The following PSMD14 variants were observed in gnomAD, a reference collection of about 807,000 sequenced individuals.
The protein encoded by PSMD14 is ubiquitin C-terminal hydrolase PSMD14.
In PSMD14, 7 loss-of-function variants were observed where a neutral mutation model predicts 41.2. The ratio of observed to expected loss-of-function variants is 0.17; its 90% CI spans 0.10 to 0.32. PSMD14 has a LOEUF of 0.32. Ranked by LOEUF, PSMD14 falls within the 10% of genes least tolerant of loss-of-function variation. The probability of loss-of-function intolerance (pLI) is 1.00; values close to 1 mark genes in which losing one functional copy is unlikely to be tolerated. For synonymous variants in PSMD14, 114 were observed against 122.3 expected (o/e 0.93, Z 0.45); for missense variants, 139 against 375.6 (o/e 0.37, Z 5.21).
intron 7 of PSMD14, 91 bp from the exon 8 acceptor site, chr2:161,385,373 C>G: frequency 1.7e-6 from 1 of 580,024 alleles, no homozygotes; most frequent in Non-Finnish European, 3.0e-6. Flanking sequence ...AGTCCAGAAA[C>G]AGATGCACGT....
chr2:161,369,955 G>T (rs1191371162), intron 5 of PSMD14, among the ~76,000 whole-genome samples, 152 bp from the exon 6 acceptor site: 1 of 152,038 alleles, frequency 6.6e-6, no homozygotes, highest in Non-Finnish European at 1.5e-5. Flanking sequence ...AAGCTTGATT[G>T]GTATGAGGTT....
chr2:161,360,752 G>A (rs1683279097), intron 3 of PSMD14, among the ~76,000 whole-genome samples: 1 of 151,892 alleles, frequency 6.6e-6, no homozygotes, highest in Non-Finnish European at 1.5e-5. Flanking sequence ...TAGCCAGGAT[G>A]GTCTCCATCT....
At chr2:161,325,014 A>G (rs1388616992) in intron 3 of PSMD14, among the ~76,000 whole-genome samples, 3 of 152,172 alleles carry the variant, frequency 2.0e-5, no homozygotes, top group African/African-American at 7.2e-5. Context: ...AATGACATAC[A>G]ACCTGCAAGT....
intron 1 of PSMD14, among the ~76,000 whole-genome samples, chr2:161,310,221 A>C (rs1185649597): frequency 2.0e-5 from 3 of 152,252 alleles, no homozygotes; most frequent in Non-Finnish European, 4.4e-5. Context: ...CTGGCCATGT[A>C]AACCATGTGC....
chr2:161,377,551 G>A (rs1277676441), intron 7 of PSMD14, among the ~76,000 whole-genome samples: 1 of 151,810 alleles, frequency 6.6e-6, no homozygotes, highest in East Asian at 1.9e-4. Flanking sequence ...TGTCTGCTAG[G>A]AATGTAGAAA....
intron 3 of PSMD14, among the ~76,000 whole-genome samples, chr2:161,320,592 T>A (rs1258417837): frequency 6.6e-6 from 1 of 152,124 alleles, no homozygotes; most frequent in Non-Finnish European, 1.5e-5. Flanking sequence ...TAGGTGTAAT[T>A]TTCTTTTTCT....
chr2:161,404,238 A>G (rs1012180545), intron 10 of PSMD14, among the ~76,000 whole-genome samples: 6 of 152,088 alleles, frequency 3.9e-5, no homozygotes, highest in Non-Finnish European at 8.8e-5. Context: ...TCCTGGTTTT[A>G]CAGCTAGTCT....
intron 3 of PSMD14, among the ~76,000 whole-genome samples, chr2:161,338,744 C>T (rs1022300904): frequency 4.6e-5 from 7 of 152,162 alleles, no homozygotes; most frequent in African/African-American, 1.7e-4. Context: ...ACCATCACTG[C>T]AATCAAGATG....
chr2:161,363,169 A>G (rs1431767231), intron 3 of PSMD14, among the ~76,000 whole-genome samples: 1 of 152,194 alleles, frequency 6.6e-6, no homozygotes, highest in Non-Finnish European at 1.5e-5. Flanking sequence ...TCTAGGTTGC[A>G]TGCTCCATCT....
intron 9 of PSMD14, among the ~76,000 whole-genome samples, chr2:161,393,971 ATTTTTTTTTT>A (rs11452254): frequency 1.8e-4 from 18 of 100,908 alleles, no homozygotes; most frequent in Non-Finnish European, 3.2e-4. Context: ...ACACTAGATA[ATTTTTTTTTT>A]TTTTTTTTTT....
chr2:161,395,259 A>G, intron 10 of PSMD14, 56 bp downstream of exon 10: 1 of 1,376,022 alleles, frequency 7.3e-7, no homozygotes, highest in Middle Eastern at 1.8e-4. Context: ...GTATGATTAG[A>G]TGCCAAGCAT....
chr2:161,316,944 A>G (rs1661668161), intron 2 of PSMD14, among the ~76,000 whole-genome samples: 3 of 152,210 alleles, frequency 2.0e-5, no homozygotes, highest in African/African-American at 7.2e-5. Context: ...AGAGGGATAG[A>G]TAAACTGAAC....
intron 5 of PSMD14, among the ~76,000 whole-genome samples, chr2:161,369,575 G>A (rs1178822798): frequency 6.6e-6 from 1 of 152,052 alleles, no homozygotes; most frequent in Non-Finnish European, 1.5e-5. Flanking sequence ...TTAGAAGAAA[G>A]CCTTGGGAGC....
intron 8 of PSMD14, among the ~76,000 whole-genome samples, chr2:161,387,523 T>G (rs1683649135): frequency 6.6e-6 from 1 of 152,038 alleles, no homozygotes; most frequent in African/African-American, 2.4e-5. Flanking sequence ...CTAACAGATT[T>G]TTTTTTACTC....
intron 3 of PSMD14, among the ~76,000 whole-genome samples, chr2:161,352,433 T>C (rs1417496883): frequency 1.3e-5 from 2 of 152,228 alleles, no homozygotes; most frequent in African/African-American, 2.4e-5. Flanking sequence ...GCTTTTATTA[T>C]ATTACCAAGA....
intron 3 of PSMD14, among the ~76,000 whole-genome samples, chr2:161,327,035 T>G (rs902398229): frequency 1.3e-5 from 2 of 152,126 alleles, no homozygotes; most frequent in African/African-American, 4.8e-5. Flanking sequence ...ATTATTAAAC[T>G]TTAAAGGAAT....
At chr2:161,391,078 C>A (rs1683705003) in intron 8 of PSMD14, 26 bp from the exon 9 acceptor site, 2 of 1,431,004 alleles carry the variant, frequency 1.4e-6, no homozygotes, top group African/African-American at 1.4e-5. Context: ...TTAATTTGTC[C>A]TTTTTAAAAT....
intron 11 of PSMD14, among the ~76,000 whole-genome samples, chr2:161,409,110 C>T (rs1198989237): frequency 1.3e-5 from 2 of 151,928 alleles, no homozygotes; most frequent in Admixed American, 6.6e-5. Flanking sequence ...GAGATATTAT[C>T]GTCAGTGAAA....
At position 161,327,981 on chromosome 2, in the gene PSMD14, T is replaced by TGTGA. The variant is rs1553503782; in HGVS notation, c.48+9110_48+9113dup. Among the ~76,000 whole-genome samples the TGTGA allele has an allele frequency of 4.0e-5, 6 of 148,912 alleles. 1 individual carries two copies. The highest frequency in any genetic ancestry group is 1.5e-4 in the African/African-American group (6 of 39,370). On this transcript the variant is annotated intron_variant, in intron 3 of 11. Transcript: ENST00000409682. ...GTGTGTGTGTGTGTGTGTGTGTGTG[T>TGTGA]GTGAGATGTTGGTTAGGAATTATAG...
Sources: allele counts gnomAD v4.1 joint callset (sites outside exome capture counted in the v4.1 genomes callset), GRCh38; gene constraint gnomAD v4.1.1; transcripts MANE v1.5; gene names NCBI Gene and HGNC (gene_info 2026-07-23, HGNC 2026-07-21).